STXBP5L: variants seen among roughly 807,000 people sequenced by gnomAD.
STXBP5L encodes syntaxin-binding protein 5-like.
In STXBP5L, 65 loss-of-function variants were observed where a neutral mutation model predicts 144.5. That is an observed-to-expected ratio of 0.45 (90% CI 0.37 to 0.55). The LOEUF is 0.55. Ranked by LOEUF, STXBP5L falls within the 20% of genes least tolerant of loss-of-function variation. The pLI is 0.00. For synonymous variants in STXBP5L, 505 were observed against 469.6 expected, an observed-to-expected ratio of 1.08 and a Z score of -0.97; for missense variants, 1,298 against 1,405.5, an observed-to-expected ratio of 0.92 and a Z score of 1.22.
intron 18 of STXBP5L, among the ~76,000 whole-genome samples, chr3:121,270,174 A>G (rs938068089): frequency 2.0e-5 from 3 of 151,930 alleles, no homozygotes; most frequent in African/African-American, 4.8e-5. Flanking sequence ...TAATATAACA[A>G]ATTTAAGAAC....
chr3:121,321,036 C>T (rs1442591386), intron 20 of STXBP5L, among the ~76,000 whole-genome samples: 2 of 152,140 alleles, frequency 1.3e-5, no homozygotes, highest in African/African-American at 4.8e-5. Flanking sequence ...ACTCAGAAAA[C>T]TGTGCATGCA....
Position 121,223,041 on chromosome 3 carries a change from A to G in STXBP5L, c.995A>G (p.Asp332Gly). ...ATATTCTCTGGTGGGCTGTCCTATG[A>G]CAAAGCTTGTAGAAGACCAAGTTTA... ...FIIFSGGLSY[D>G]KACRRPSLTI... The change falls in exon 11 of 27, where the codon GAC (aspartate) becomes GGC (glycine). Residue 332 changes from aspartate to glycine, a missense_variant. By Grantham distance (94) the Asp-to-Gly change is moderately conservative. Transcript: ENST00000471454. 6.2e-7 allele frequency: 1 copy of G among 1,612,476 alleles called. No individual in the cohort carries two copies. The highest frequency in any genetic ancestry group is 1.1e-5 in the South Asian group (1 of 90,766).
intron 20 of STXBP5L, among the ~76,000 whole-genome samples, chr3:121,328,114 T>C (rs1036724133): frequency 6.6e-6 from 1 of 152,204 alleles, no homozygotes; most frequent in Non-Finnish European, 1.5e-5. Flanking sequence ...TTATCAAGTG[T>C]GCTGTTTAAT....
intron 5 of STXBP5L, among the ~76,000 whole-genome samples, chr3:121,086,019 A>T (rs1044656451): frequency 6.6e-6 from 1 of 152,146 alleles, no homozygotes; most frequent in Non-Finnish European, 1.5e-5. Flanking sequence ...AAGACCACAC[A>T]TCTACATCTG....
intron 2 of STXBP5L, among the ~76,000 whole-genome samples, chr3:120,954,359 T>C (rs980707061): frequency 6.6e-6 from 1 of 152,114 alleles, no homozygotes; most frequent in Admixed American, 6.6e-5. Context: ...CAAAAAAGTT[T>C]CTTCATATTC....
At chr3:121,220,217 T>C (rs2048932800) in intron 10 of STXBP5L, among the ~76,000 whole-genome samples, 1 of 152,100 alleles carries the variant, frequency 6.6e-6, no homozygotes, top group African/African-American at 2.4e-5. Flanking sequence ...ATATAAGTGG[T>C]TATATATTAT....
chr3:121,279,660 G>A (rs568985876), intron 18 of STXBP5L, 145 bp from the exon 19 acceptor site: 2 of 816,146 alleles, frequency 2.5e-6, no homozygotes, highest in Admixed American at 2.9e-5. Flanking sequence ...ATAAAGGCAA[G>A]GCATCCTTCT....
intron 20 of STXBP5L, among the ~76,000 whole-genome samples, chr3:121,353,325 G>T (rs539418140): frequency 2.6e-5 from 4 of 151,990 alleles, no homozygotes; most frequent in South Asian, 2.1e-4. Flanking sequence ...ACTTTTTTTC[G>T]TTGGTAGGCT....
intron 2 of STXBP5L, among the ~76,000 whole-genome samples, chr3:120,919,040 A>G (rs1287676503): frequency 1.3e-5 from 2 of 152,120 alleles, no homozygotes; most frequent in Non-Finnish European, 2.9e-5. Flanking sequence ...GAGCTGTTGT[A>G]CTATTTTGTG....
intron 9 of STXBP5L, among the ~76,000 whole-genome samples, chr3:121,183,569 G>A (rs558054878): frequency 4.2e-5 from 6 of 141,780 alleles, no homozygotes; most frequent in African/African-American, 1.3e-4. Flanking sequence ...GACAAAGAGA[G>A]AAAGAAAAAT....
chr3:121,271,399 A>G (rs1002196073), intron 18 of STXBP5L, among the ~76,000 whole-genome samples: 1 of 152,074 alleles, frequency 6.6e-6, no homozygotes, highest in Non-Finnish European at 1.5e-5. Context: ...GTGATGTTCA[A>G]TATGTATCTT....
intron 5 of STXBP5L, among the ~76,000 whole-genome samples, chr3:121,079,052 C>T (rs1235081267): frequency 6.6e-6 from 1 of 152,230 alleles, no homozygotes; most frequent in Non-Finnish European, 1.5e-5. Context: ...AAAGTGGGAG[C>T]CCAGGCAGAG....
At chr3:121,025,061 C>T (rs142855436) in intron 3 of STXBP5L, among the ~76,000 whole-genome samples, 31 of 152,164 alleles carry the variant, frequency 2.0e-4, no homozygotes, top group Admixed American at 2.0e-3. Flanking sequence ...ATCACCTTGG[C>T]AAGGCTTGAA....
intron 5 of STXBP5L, among the ~76,000 whole-genome samples, chr3:121,089,538 T>C (rs1173105851): frequency 6.6e-6 from 1 of 150,430 alleles, no homozygotes; most frequent in Non-Finnish European, 1.5e-5. Flanking sequence ...TTTTTTTTTC[T>C]TTTCTTCCTT....
rs959988352 is a variant in STXBP5L, at chr3:121,296,615, G to T, written c.2110+16659G>T. 5.5e-4 allele frequency among the ~76,000 whole-genome samples: 84 copies of T among 152,184 alleles called. 1 individual carries two copies. The highest frequency in any genetic ancestry group is 3.3e-4 in the Admixed American group (5 of 15,268). On this transcript the variant is annotated intron_variant, in intron 19 of 26. Coordinates refer to ENST00000471454, the MANE Select transcript of STXBP5L (RefSeq NM_001308330.2). ...CCAGACAGAGAAGAGCCATTCACAG[G>T]TGAGCAGAAAGCTACTGCTGCTTCC...
chr3:121,320,420 T>G (rs1039751117), intron 20 of STXBP5L, among the ~76,000 whole-genome samples: 5 of 152,136 alleles, frequency 3.3e-5, no homozygotes, highest in South Asian at 4.1e-4. Context: ...TATCTACGTA[T>G]CTAAGTATGC....
At chr3:121,331,192 G>A (rs915490605) in intron 20 of STXBP5L, among the ~76,000 whole-genome samples, 2 of 152,206 alleles carry the variant, frequency 1.3e-5, no homozygotes, top group Non-Finnish European at 2.9e-5. Flanking sequence ...CATGTGGGAA[G>A]TTTCTTTCAG....
At chr3:121,137,572 A>T (rs2045317316) in intron 7 of STXBP5L, among the ~76,000 whole-genome samples, 1 of 152,222 alleles carries the variant, frequency 6.6e-6, no homozygotes, top group Non-Finnish European at 1.5e-5. Context: ...CATTAAAAAG[A>T]TCATTCATTA....
At chr3:121,385,514 A>G (rs1235630065) in intron 22 of STXBP5L, among the ~76,000 whole-genome samples, 1 of 152,168 alleles carries the variant, frequency 6.6e-6, no homozygotes, top group East Asian at 1.9e-4. Flanking sequence ...ACATTTCAAC[A>G]TGAGATTTGG....
Sources: gnomAD v4.1 joint callset for allele counts (sites outside exome capture counted in the v4.1 genomes callset) on GRCh38, gnomAD v4.1.1 for gene constraint, MANE v1.5 for transcripts, NCBI Gene and HGNC (gene_info 2026-07-23, HGNC 2026-07-21) for gene names.